MAF: variants seen among roughly 807,000 people sequenced by gnomAD.
The protein encoded by MAF is transcription factor Maf.
MAF carries 10 observed loss-of-function variants against 22.0 expected under a neutral mutation model. That is an observed-to-expected ratio of 0.45 (90% CI 0.28 to 0.77). The LOEUF (loss-of-function observed/expected upper bound fraction) is 0.77. Among genes scored for constraint, MAF ranks in the 30% least tolerant of loss-of-function variants. The pLI, the probability that MAF is intolerant of heterozygous loss-of-function variation, is 0.12. For missense variants in MAF, 544 were observed against 548.4 expected (o/e 0.99, Z 0.08); for synonymous variants, 337 against 255.8 (o/e 1.32, Z -3.03).
At position 79,600,098 on chromosome 16, in the gene MAF, G is replaced by A. The variant is rs1002020734; in HGVS notation, c.-196C>T. 8.4e-6 allele frequency: 5 copies of A among 594,178 alleles called. No homozygotes were observed. The highest frequency in any genetic ancestry group is 6.8e-5 in the South Asian group (3 of 43,892). 36.8% of individuals were successfully genotyped at this position (594,178 alleles called of 1,614,324 possible). ...CCCCCCCGCCCTGCCCGCGCCCCCC[G>A]CGCCCGCCCTCCCTCCCCCCTGCTC... is the stretch of plus-strand genomic sequence containing the variant. On this transcript the variant is annotated 5_prime_UTR_variant, in exon 1 of 2. Coordinates refer to ENST00000326043, the MANE Select transcript of MAF (RefSeq NM_005360.5).
chr16:79,476,771 T>C, the MAF span, among the ~76,000 whole-genome samples: 1 of 152,182 alleles, frequency 6.6e-6, no homozygotes, highest in African/African-American at 2.4e-5. Context: ...AGTCACATGG[T>C]ACCAGGCTGC....
At chr16:79,564,209 A>AT in the MAF span, among the ~76,000 whole-genome samples, 1 of 152,088 alleles carries the variant, frequency 6.6e-6, no homozygotes, top group Non-Finnish European at 1.5e-5. Flanking sequence ...TACCTTAGCA[A>AT]TTTTTTGTTT....
the MAF span, among the ~76,000 whole-genome samples, chr16:79,459,985 T>C: frequency 6.6e-5 from 10 of 152,342 alleles, no homozygotes; most frequent in African/African-American, 2.2e-4. Flanking sequence ...GGTATGTGCA[T>C]TTAAAATATT....
chr16:79,517,206 G>C, the MAF span, among the ~76,000 whole-genome samples: 1 of 152,114 alleles, frequency 6.6e-6, no homozygotes, highest in African/African-American at 2.4e-5. Flanking sequence ...ACCTGGGCCT[G>C]ATTTCCTCTG....
At chr16:79,464,566 G>C in the MAF span, among the ~76,000 whole-genome samples, 1 of 152,182 alleles carries the variant, frequency 6.6e-6, no homozygotes, top group Non-Finnish European at 1.5e-5. Flanking sequence ...CAGACCCAAA[G>C]AACACCTGTC....
At chr16:79,269,090 C>A in the MAF span, among the ~76,000 whole-genome samples, 5 of 152,138 alleles carry the variant, frequency 3.3e-5, no homozygotes, top group African/African-American at 1.2e-4. Flanking sequence ...TGTCTTGTAA[C>A]CCTGGGACCT....
At chr16:79,597,177 T>G (rs1913582687) in intron 1 of MAF, 5 of 1,055,370 alleles carry the variant, frequency 4.7e-6, no homozygotes, top group Non-Finnish European at 5.7e-6. Context: ...TAGTAAACAA[T>G]TTAGTGCATC....
At chr16:79,293,162 C>CCAA in the MAF span, among the ~76,000 whole-genome samples, 5 of 152,086 alleles carry the variant, frequency 3.3e-5, no homozygotes, top group Admixed American at 1.3e-4. Flanking sequence ...AGTTTTCTTG[C>CCAA]GTGAGGTCCA....
chr16:79,308,018 C>T, the MAF span, among the ~76,000 whole-genome samples: 2 of 152,202 alleles, frequency 1.3e-5, no homozygotes, highest in African/African-American at 2.4e-5. Flanking sequence ...TGCCATGAGA[C>T]CACCTGCCTG....
downstream of MAF, among the ~76,000 whole-genome samples, chr16:79,590,904 C>T (rs1029095570): frequency 6.6e-6 from 1 of 152,098 alleles, no homozygotes; most frequent in African/African-American, 2.4e-5. Context: ...CAGAATTCCT[C>T]CAACAAAAGT....
the MAF span, among the ~76,000 whole-genome samples, chr16:79,440,387 A>T: frequency 1.3e-5 from 2 of 152,348 alleles, no homozygotes; most frequent in South Asian, 2.1e-4. Flanking sequence ...GACCAGGTGC[A>T]TGAGTACATG....
chr16:79,456,345 A>G, the MAF span, among the ~76,000 whole-genome samples: 1 of 152,190 alleles, frequency 6.6e-6, no homozygotes, highest in Non-Finnish European at 1.5e-5. Flanking sequence ...ATTTATCTCC[A>G]GGGACAAATT....
the MAF span, among the ~76,000 whole-genome samples, chr16:79,452,384 T>C: frequency 2.0e-5 from 3 of 152,206 alleles, no homozygotes; most frequent in Non-Finnish European, 2.9e-5. Context: ...GCAATTTAAA[T>C]AAAAGTCTAT....
chr16:79,548,043 T>G, the MAF span, among the ~76,000 whole-genome samples: 3 of 152,212 alleles, frequency 2.0e-5, no homozygotes, highest in Non-Finnish European at 4.4e-5. Context: ...TGAGATCTGT[T>G]GTTTTAATAA....
the MAF span, among the ~76,000 whole-genome samples, chr16:79,475,331 T>A: frequency 6.8e-6 from 1 of 147,002 alleles, no homozygotes; most frequent in Non-Finnish European, 1.5e-5. Context: ...CATATATATA[T>A]GGAGATATAT....
At chr16:79,224,832 A>G in the MAF span, among the ~76,000 whole-genome samples, 2 of 152,210 alleles carry the variant, frequency 1.3e-5, no homozygotes, top group African/African-American at 2.4e-5. Flanking sequence ...TTCAAGGAGA[A>G]CTACAAACCA....
the MAF span, among the ~76,000 whole-genome samples, chr16:79,449,663 C>T: frequency 6.6e-6 from 1 of 152,186 alleles, no homozygotes; most frequent in Admixed American, 6.5e-5. Context: ...AAGGGTCTCC[C>T]ACCAACCTAT....
the MAF span, among the ~76,000 whole-genome samples, chr16:79,392,553 G>T: frequency 6.6e-5 from 10 of 151,982 alleles, no homozygotes; most frequent in Admixed American, 6.6e-4. Context: ...AGATGAACAC[G>T]GGTGGAACCA....
chr16:79,374,394 T>C, the MAF span, among the ~76,000 whole-genome samples: 1 of 152,332 alleles, frequency 6.6e-6, no homozygotes, highest in South Asian at 2.1e-4. Flanking sequence ...TGCTATTTGC[T>C]TTCTCTTCTC....
Sources: gnomAD v4.1 joint callset for allele counts (sites outside exome capture counted in the v4.1 genomes callset) on GRCh38, gnomAD v4.1.1 for gene constraint, MANE v1.5 for transcripts, NCBI Gene and HGNC (gene_info 2026-07-23, HGNC 2026-07-21) for gene names.